MACROD2: variants seen among roughly 807,000 people sequenced by gnomAD.
The protein encoded by MACROD2 is mono-ADP ribosylhydrolase 2, also known as ADP-ribose glycohydrolase MACROD2.
A neutral mutation model predicts 70.4 loss-of-function variants in MACROD2; 36 were observed. The ratio of observed to expected loss-of-function variants is 0.51; its 90% CI spans 0.39 to 0.68. The LOEUF is 0.68. Ranked by LOEUF, MACROD2 falls within the 30% of genes least tolerant of loss-of-function variation. MACROD2 has a pLI of 0.00. For synonymous variants in MACROD2, 172 were observed against 178.8 expected, an observed-to-expected ratio of 0.96 and a Z score of 0.30; for missense variants, 496 against 538.4, an observed-to-expected ratio of 0.92 and a Z score of 0.78.
chr20:15,615,995 A>G (rs941775789), intron 8 of MACROD2, among the ~76,000 whole-genome samples: 1 of 152,132 alleles, frequency 6.6e-6, no homozygotes. Context: ...ATCGTAGGCC[A>G]AAGTGGAAAG....
intron 5 of MACROD2, among the ~76,000 whole-genome samples, chr20:15,090,905 C>T (rs1244450762): frequency 6.6e-6 from 1 of 152,048 alleles, no homozygotes; most frequent in Admixed American, 6.6e-5. Flanking sequence ...TGGCTGACTT[C>T]CCCCTGCCAT....
At chr20:14,463,906 CT>C (rs1169719678) in intron 3 of MACROD2, among the ~76,000 whole-genome samples, 1 of 151,866 alleles carries the variant, frequency 6.6e-6, no homozygotes, top group Non-Finnish European at 1.5e-5. Flanking sequence ...GGTGGATAAG[CT>C]TTTTGATGTG....
At chr20:15,433,997 A>G (rs1600405902) in intron 7 of MACROD2, among the ~76,000 whole-genome samples, 1 of 152,228 alleles carries the variant, frequency 6.6e-6, no homozygotes, top group Non-Finnish European at 1.5e-5. Context: ...AGCCACAAGT[A>G]GAATGAAACT....
chr20:14,154,552 A>ATTTTTTT (rs869299523), intron 3 of MACROD2, among the ~76,000 whole-genome samples: 3 of 106,652 alleles, frequency 2.8e-5, no homozygotes, highest in Non-Finnish European at 5.7e-5. Context: ...CGCCCGGCTA[A>ATTTTTTT]TTTTTTTTTT....
At chr20:15,116,577 G>A (rs543011499) in intron 5 of MACROD2, among the ~76,000 whole-genome samples, 27 of 152,270 alleles carry the variant, frequency 1.8e-4, no homozygotes, top group East Asian at 3.9e-4. Context: ...CCTGGGAGGC[G>A]GAGGTTGCAG....
intron 6 of MACROD2, among the ~76,000 whole-genome samples, chr20:15,354,559 A>G (rs1277835404): frequency 3.3e-5 from 5 of 152,214 alleles, no homozygotes; most frequent in Non-Finnish European, 7.3e-5. Context: ...CTTTTGGAAA[A>G]CAATTTGACA....
Position 16,049,955 on chromosome 20 carries a change from G to T in MACROD2, c.*79G>T. The T allele has an allele frequency of 1.3e-6, 1 of 781,586 alleles. No homozygotes were observed. The allele number at this position is 781,586 out of a possible 1,614,324, so 48.4% of individuals were successfully genotyped here. A position where few individuals can be genotyped will look rare whatever the true frequency, so the allele number is the denominator to read the frequency against. On this transcript the variant is annotated 3_prime_UTR_variant, in exon 18 of 18. Coordinates refer to ENST00000684519, the MANE Select transcript of MACROD2 (RefSeq NM_001351661.2). ...GCAGCACACGCTGTGGAGGAGGGTG[G>T]GGGTGGGGGGAAGGCAAGTCCCATG...
At chr20:14,726,434 A>T (rs1282255804) in intron 5 of MACROD2, among the ~76,000 whole-genome samples, 2 of 152,166 alleles carry the variant, frequency 1.3e-5, no homozygotes, top group East Asian at 3.9e-4. Flanking sequence ...GAATGAAGCG[A>T]TTAGTGTCAC....
At chr20:14,805,552 T>C (rs866782454) in intron 5 of MACROD2, among the ~76,000 whole-genome samples, 1 of 151,998 alleles carries the variant, frequency 6.6e-6, no homozygotes, top group African/African-American at 2.4e-5. Flanking sequence ...TAACCAAACC[T>C]GTGTAAAAAT....
chr20:14,686,875 T>C (rs180671656), intron 5 of MACROD2, among the ~76,000 whole-genome samples: 2 of 152,318 alleles, frequency 1.3e-5, no homozygotes, highest in East Asian at 3.9e-4. Context: ...TAGTGTGAAA[T>C]AGTCAAATCA....
At chr20:14,601,002 C>A (rs765949127) in intron 4 of MACROD2, among the ~76,000 whole-genome samples, 2 of 152,156 alleles carry the variant, frequency 1.3e-5, no homozygotes, top group Non-Finnish European at 2.9e-5. Context: ...GTCTTGTTGA[C>A]TATGAGACCT....
Position 15,429,439 on chromosome 20 carries a change from A to C in MACROD2, c.541-1966A>C, listed in dbSNP as rs1319494520. ...TAGTAAAGGCTTCCACAGGAGCAGA[A>C]AAAAGCATATATCATTTTACAGACA... is the stretch of plus-strand genomic sequence containing the variant. On this transcript the variant is annotated intron_variant, in intron 6 of 17. Transcript: ENST00000684519. Among the ~76,000 whole-genome samples the C allele has an allele frequency of 2.6e-5, 4 of 152,148 alleles. No individual in the cohort carries two copies. In the East Asian group the frequency reaches 7.7e-4, roughly 29 times the overall value.
At chr20:14,042,141 C>A (rs918600956) in intron 2 of MACROD2, among the ~76,000 whole-genome samples, 2 of 152,018 alleles carry the variant, frequency 1.3e-5, no homozygotes, top group African/African-American at 4.8e-5. Context: ...GAGAAAGGAA[C>A]CATGAACAAA....
chr20:14,591,491 T>A (rs745494084), intron 4 of MACROD2, among the ~76,000 whole-genome samples: 32 of 152,232 alleles, frequency 2.1e-4, no homozygotes, highest in Non-Finnish European at 4.3e-4. Flanking sequence ...AATGCCTGTT[T>A]TAAAAGCGAT....
Position 14,055,339 on chromosome 20 carries a change from G to A in MACROD2, c.164-30282G>A, listed in dbSNP as rs540167008. Among the ~76,000 whole-genome samples, 21 of 151,780 alleles carry A rather than the reference G, an allele frequency of 1.4e-4. No individual in the cohort carries two copies. The South Asian group carries it at 3.5e-3, about 26-fold the overall frequency. The stretch of plus-strand genomic sequence containing the variant: ...TTTGCAATGCCGCCCTCTAGTGATC[G>A]ATTTCCAAAAATGCATTAATTAACT... On this transcript the variant is annotated intron_variant, in intron 2 of 17. Transcript: ENST00000684519.
rs1382051590 is a variant in MACROD2, at chr20:16,051,499, A to G, written c.*1623A>G. On this transcript the variant is annotated 3_prime_UTR_variant, in exon 18 of 18. Coordinates refer to ENST00000684519, the MANE Select transcript of MACROD2 (RefSeq NM_001351661.2). ...CACTATATTCTAACAAATTTTTTTT[A>G]ATAAAATCAAGACATCAGCAAGAAT... The G allele has an allele frequency of 6.6e-6, 1 of 152,132 alleles. No homozygotes were observed. Among genetic ancestry groups the G allele is most frequent in the Non-Finnish European group, 1.5e-5 (1 of 68,014 alleles). The allele number at this position is 152,132 out of a possible 1,614,324, so 9.4% of individuals were successfully genotyped here.
chr20:14,215,229 C>CAT (rs1468195355), intron 3 of MACROD2, among the ~76,000 whole-genome samples: 10 of 149,722 alleles, frequency 6.7e-5, no homozygotes, highest in African/African-American at 2.2e-4. Context: ...TATTTTCCAT[C>CAT]ATATATATAT....
intron 10 of MACROD2, among the ~76,000 whole-genome samples, chr20:15,914,479 C>T (rs1290222642): frequency 6.6e-6 from 1 of 152,090 alleles, no homozygotes; most frequent in East Asian, 1.9e-4. Flanking sequence ...GCCTCAATTG[C>T]CTTATATAAA....
intron 6 of MACROD2, among the ~76,000 whole-genome samples, chr20:15,340,122 CTTTCTTTCTTT>C (rs2078092380): frequency 1.2e-5 from 1 of 81,880 alleles, no homozygotes; most frequent in Non-Finnish European, 2.4e-5. Context: ...TTCTTTCTTT[CTTTCTTTCTTT>C]TTTTTTTTTT....
Sources: allele counts gnomAD v4.1 joint callset (sites outside exome capture counted in the v4.1 genomes callset), GRCh38; gene constraint gnomAD v4.1.1; transcripts MANE v1.5; gene names NCBI Gene and HGNC (gene_info 2026-07-23, HGNC 2026-07-21).